The following ADAM12 variants were observed in gnomAD, a reference collection of about 807,000 sequenced individuals.
ADAM12 encodes ADAM metallopeptidase domain 12, also known as disintegrin and metalloproteinase domain-containing protein 12.
Under a neutral mutation model 106.4 loss-of-function variants are expected in ADAM12, and 70 were observed. The observed-to-expected ratio is 0.66, with a 90% CI of 0.54 to 0.80. The LOEUF (loss-of-function observed/expected upper bound fraction) is 0.80. Among genes scored for constraint, ADAM12 ranks in the 30% least tolerant of loss-of-function variants. The pLI, the probability that ADAM12 is intolerant of heterozygous loss-of-function variation, is 0.00. For synonymous variants in ADAM12, 420 were observed against 433.5 expected (o/e 0.97, Z 0.39); for missense variants, 1,010 against 1,171.9 (o/e 0.86, Z 2.02).
intron 2 of ADAM12, among the ~76,000 whole-genome samples, chr10:126,279,672 A>G (rs1422956825): frequency 6.6e-6 from 1 of 151,954 alleles, no homozygotes; most frequent in Admixed American, 6.6e-5. Context: ...GGTTGTAGTG[A>G]GCCAAGATTG....
chr10:126,040,107 A>G (rs1954134097), intron 18 of ADAM12, among the ~76,000 whole-genome samples: 1 of 152,138 alleles, frequency 6.6e-6, no homozygotes, highest in African/African-American at 2.4e-5. Flanking sequence ...ATTTTGTTTA[A>G]TACAGTTAAG....
At chr10:126,282,701 T>G (rs958696192) in intron 2 of ADAM12, among the ~76,000 whole-genome samples, 12 of 152,164 alleles carry the variant, frequency 7.9e-5, no homozygotes, top group African/African-American at 2.2e-4. Context: ...AATGTGTAAG[T>G]CCTTTCTCCT....
chr10:126,348,054 G>A (rs1056367159), intron 1 of ADAM12, among the ~76,000 whole-genome samples: 1 of 152,182 alleles, frequency 6.6e-6, no homozygotes, highest in Non-Finnish European at 1.5e-5. Context: ...TTAACCCCTG[G>A]GGCAATTGAG....
intron 3 of ADAM12, among the ~76,000 whole-genome samples, chr10:126,241,887 G>A (rs11596023): frequency 0.052 from 7,910 of 151,862 alleles, 286 homozygotes; most frequent in Middle Eastern, 0.12. Context: ...TTTGTAGTTA[G>A]TCCATTTTAT....
intron 3 of ADAM12, among the ~76,000 whole-genome samples, chr10:126,262,605 G>A (rs1959023675): frequency 6.6e-6 from 1 of 152,116 alleles, no homozygotes; most frequent in South Asian, 2.1e-4. Flanking sequence ...ACACATAAAA[G>A]AATGTGGAAA....
At chr10:126,154,484 G>T (rs1401857546) in intron 4 of ADAM12, among the ~76,000 whole-genome samples, 1 of 152,122 alleles carries the variant, frequency 6.6e-6, no homozygotes, top group African/African-American at 2.4e-5. Context: ...GACAGTAATG[G>T]CTACTTGACA....
Position 126,049,653 on chromosome 10 carries a change from A to AGG in ADAM12, c.1624_1625dup (p.Gly543LeufsTer31), listed in dbSNP as rs1241303317. On this transcript the variant is annotated frameshift_variant, in exon 15 of 23. Coordinates refer to ENST00000448723, the MANE Select transcript of ADAM12 (RefSeq NM_001288973.2). LOFTEE classifies it high-confidence loss of function. The surrounding 1 kb of genome is among the most constrained non-coding windows in gnomAD (Gnocchi z 4.4). ...AATTGACTCTCTCAAAGCAGATCCC[A>AGG]GGGGCAGGTTTAGCACCTGAAACAG... 6.2e-7 allele frequency: 1 copy of AGG among 1,614,172 alleles called. No individual in the cohort carries two copies. Among genetic ancestry groups the AGG allele is most frequent in the South Asian group, 1.1e-5 (1 of 91,088 alleles).
At chr10:126,044,188 G>A (rs966232241) in intron 17 of ADAM12, among the ~76,000 whole-genome samples, 21 of 151,972 alleles carry the variant, frequency 1.4e-4, no homozygotes, top group East Asian at 5.8e-4. Context: ...TGTAATCCCA[G>A]CAAGTGGGAG....
At chr10:126,019,312 C>T (rs143071121) in intron 22 of ADAM12, among the ~76,000 whole-genome samples, 17 of 152,236 alleles carry the variant, frequency 1.1e-4, no homozygotes, top group Middle Eastern at 3.4e-3. Context: ...ACCCAGTCTT[C>T]GATATTTCTT....
At chr10:126,343,876 G>GT (rs1204915254) in intron 1 of ADAM12, among the ~76,000 whole-genome samples, 2 of 152,072 alleles carry the variant, frequency 1.3e-5, no homozygotes, top group East Asian at 1.9e-4. Context: ...TGATGGGGTT[G>GT]TTTTTTTCTT....
intron 3 of ADAM12, among the ~76,000 whole-genome samples, chr10:126,233,944 C>G (rs561449020): frequency 6.6e-6 from 1 of 152,106 alleles, no homozygotes; most frequent in Non-Finnish European, 1.5e-5. Context: ...ATTAAGGAAC[C>G]GGCAATATAT....
intron 3 of ADAM12, among the ~76,000 whole-genome samples, chr10:126,225,324 C>A (rs534493634): frequency 6.6e-6 from 1 of 152,310 alleles, no homozygotes; most frequent in African/African-American, 2.4e-5. Flanking sequence ...AAATATGTCA[C>A]ACACTTGGGG....
chr10:126,181,433 A>G (rs1277721651), intron 3 of ADAM12, among the ~76,000 whole-genome samples: 1 of 152,162 alleles, frequency 6.6e-6, no homozygotes, highest in African/African-American at 2.4e-5. Flanking sequence ...AATTATATTG[A>G]TAGTTTTATA....
intron 17 of ADAM12, 111 bp downstream of exon 17, chr10:126,045,944 A>C (rs1710313): frequency 0.38 from 345,988 of 911,358 alleles, 78,793 homozygotes; most frequent in African/African-American, 0.84. Context: ...TTCAAACACA[A>C]TAACTGCTCT....
chr10:126,252,695 A>G (rs1208194074), intron 3 of ADAM12, among the ~76,000 whole-genome samples: 1 of 151,928 alleles, frequency 6.6e-6, no homozygotes, highest in Non-Finnish European at 1.5e-5. Flanking sequence ...TACTCAGTTC[A>G]CCAATTCAAA....
intron 1 of ADAM12, among the ~76,000 whole-genome samples, chr10:126,337,136 C>A (rs1042691412): frequency 6.7e-6 from 1 of 150,300 alleles, no homozygotes; most frequent in African/African-American, 2.5e-5. Context: ...CAGGACAGGC[C>A]GTCTGCAAGC....
intron 3 of ADAM12, among the ~76,000 whole-genome samples, chr10:126,270,711 G>T (rs1339111768): frequency 6.6e-6 from 1 of 152,140 alleles, no homozygotes; most frequent in Non-Finnish European, 1.5e-5. Flanking sequence ...CCTGATGCTG[G>T]TGGTCTTGAA....
chr10:126,361,839 G>A (rs1353843023), intron 1 of ADAM12, among the ~76,000 whole-genome samples: 1 of 151,848 alleles, frequency 6.6e-6, no homozygotes, highest in Non-Finnish European at 1.5e-5. Flanking sequence ...ATTGCTAGAA[G>A]GAAACAAAGA....
intron 11 of ADAM12, among the ~76,000 whole-genome samples, chr10:126,091,899 GGA>G (rs34977953): frequency 0.065 from 9,959 of 152,186 alleles, 736 homozygotes; most frequent in African/African-American, 0.17. Context: ...ACAAGTGGGT[GGA>G]GAGACAGATG....
Sources: allele counts gnomAD v4.1 joint callset (sites outside exome capture counted in the v4.1 genomes callset), GRCh38; gene constraint gnomAD v4.1.1; non-coding constraint Gnocchi (gnomAD v3.1); transcripts MANE v1.5; gene names NCBI Gene and HGNC (gene_info 2026-07-23, HGNC 2026-07-21).